Variants in PPIP5K2 observed in about 807,000 individuals in gnomAD.
The protein encoded by PPIP5K2 is diphosphoinositol pentakisphosphate kinase 2.
In PPIP5K2, 105 loss-of-function variants were observed where a neutral mutation model predicts 154.6. The ratio of observed to expected loss-of-function variants is 0.68; its 90% CI spans 0.58 to 0.80. The LOEUF (loss-of-function observed/expected upper bound fraction) is 0.80, where lower values mean the gene tolerates loss of function less well. PPIP5K2 is among the 30% of genes least tolerant of loss of function. The probability of loss-of-function intolerance (pLI) is 0.00; values close to 1 mark genes in which losing one functional copy is unlikely to be tolerated. For synonymous variants in PPIP5K2, 480 were observed against 490.3 expected (o/e 0.98, Z 0.28); for missense variants, 992 against 1,504.6 (o/e 0.66, Z 5.64).
At chr5:103,188,866 T>A (rs1800794136) in intron 28 of PPIP5K2, 2 of 262,266 alleles carry the variant, frequency 7.6e-6, no homozygotes, top group South Asian at 3.3e-4. Context: ...GGCTCTTTTT[T>A]AAAAATGTGG....
chr5:103,199,977 T>C (rs1466745153), intron 30 of PPIP5K2, among the ~76,000 whole-genome samples: 2 of 152,222 alleles, frequency 1.3e-5, no homozygotes, highest in Non-Finnish European at 2.9e-5. Flanking sequence ...TTTTTCTGTT[T>C]CTTAGTATAT....
rs898900250 is a variant in PPIP5K2 at position 103,203,958 on chromosome 5, G to C, written c.*2324G>C. 6 of 152,148 alleles carry C rather than the reference G, an allele frequency of 3.9e-5. 1 individual carries two copies. The highest frequency in any genetic ancestry group is 1.4e-4 in the African/African-American group (6 of 41,442). The allele number at this position is 152,148 out of a possible 1,614,324, so 9.4% of individuals were successfully genotyped here. ...AGATATAGAGGCTGAAGGGAATACA[G>C]TAAAGTAACAAAAACATGTGGCAGT... On this transcript the variant is annotated 3_prime_UTR_variant, in exon 31 of 31. Transcript: ENST00000358359.
At chr5:103,139,401 T>C (rs1342478367) in intron 5 of PPIP5K2, among the ~76,000 whole-genome samples, 1 of 152,156 alleles carries the variant, frequency 6.6e-6, no homozygotes, top group Non-Finnish European at 1.5e-5. Context: ...ACCAAAAAAT[T>C]AGTCCACCAA....
intron 2 of PPIP5K2, among the ~76,000 whole-genome samples, chr5:103,131,343 A>T (rs2149462189): frequency 6.6e-6 from 1 of 152,316 alleles, no homozygotes; most frequent in South Asian, 2.1e-4. Flanking sequence ...ATCTAATACA[A>T]TATAAATGCT....
chr5:103,189,236 T>C, intron 28 of PPIP5K2: 1 of 1,508,400 alleles, frequency 6.6e-7, no homozygotes, highest in Non-Finnish European at 8.9e-7. Flanking sequence ...GGTATGTTTT[T>C]ATAGCTTCTA....
intron 16 of PPIP5K2, 151 bp from the exon 17 acceptor site, chr5:103,158,995 A>G (rs1474730803): frequency 1.6e-6 from 1 of 623,638 alleles, no homozygotes. Context: ...ACTTTCAAGT[A>G]AAACTCTAAA....
intron 3 of PPIP5K2, among the ~76,000 whole-genome samples, chr5:103,134,625 C>G (rs1258015552): frequency 6.6e-6 from 1 of 152,134 alleles, no homozygotes; most frequent in Non-Finnish European, 1.5e-5. Flanking sequence ...GCATTCTTCC[C>G]TTACCCTCAC....
intron 14 of PPIP5K2, among the ~76,000 whole-genome samples, chr5:103,156,379 A>G (rs368985344): frequency 1.4e-4 from 21 of 152,288 alleles, no homozygotes; most frequent in African/African-American, 4.8e-4. Context: ...AAAATATACA[A>G]TTAACCTGTT....
chr5:103,143,446 A>C (rs32840), intron 5 of PPIP5K2, among the ~76,000 whole-genome samples: 48,832 of 152,168 alleles, frequency 0.32, 8,128 homozygotes, highest in East Asian at 0.45. Context: ...CTCAGACTCC[A>C]GAAGTGCTGG....
chr5:103,152,898 G>A (rs975360812), intron 10 of PPIP5K2, 149 bp downstream of exon 10: 4 of 517,496 alleles, frequency 7.7e-6, no homozygotes, highest in East Asian at 6.5e-5. Flanking sequence ...TAGATTATAC[G>A]TATTTATAAG....
intron 4 of PPIP5K2, among the ~76,000 whole-genome samples, chr5:103,138,099 C>T (rs1435294164): frequency 6.6e-6 from 1 of 152,024 alleles, no homozygotes; most frequent in African/African-American, 2.4e-5. Context: ...CAACTTTATT[C>T]AGCCATTTTT....
intron 17 of PPIP5K2, among the ~76,000 whole-genome samples, chr5:103,161,285 T>G (rs369778203): frequency 2.1e-4 from 32 of 152,174 alleles, no homozygotes; most frequent in Middle Eastern, 3.4e-3. Flanking sequence ...CAAAGGACAT[T>G]AACTCATCAT....
At chr5:103,166,683 G>T (rs1398320273) in intron 17 of PPIP5K2, among the ~76,000 whole-genome samples, 1 of 151,810 alleles carries the variant, frequency 6.6e-6, no homozygotes, top group South Asian at 2.1e-4. Context: ...CCAGTATTTT[G>T]TATATGTATT....
chr5:103,164,702 T>G (rs1554217193), intron 17 of PPIP5K2, among the ~76,000 whole-genome samples: 1 of 152,042 alleles, frequency 6.6e-6, no homozygotes, highest in Non-Finnish European at 1.5e-5. Flanking sequence ...TGCCCAGAAT[T>G]TTTACTTCCC....
Position 103,203,266 on chromosome 5 carries a change from A to G in PPIP5K2, c.*1632A>G, listed in dbSNP as rs1341032359. The G allele has an allele frequency of 7.9e-5, 12 of 152,428 alleles. No individual in the cohort carries two copies. The highest frequency in any genetic ancestry group is 2.9e-4 in the African/African-American group (12 of 41,454). The allele number at this position is 152,428 out of a possible 1,614,324, so 9.4% of individuals were successfully genotyped here. A position where few individuals can be genotyped will look rare whatever the true frequency, so the allele number is the denominator to read the frequency against. ...TTATCTCTTACTTTTTAGTTTTCAA[A>G]GTAGAAAAAATCAGGAATTTTTTTA... is the stretch of plus-strand genomic sequence containing the variant. On this transcript the variant is annotated 3_prime_UTR_variant, in exon 31 of 31. Coordinates refer to ENST00000358359, the MANE Select transcript of PPIP5K2 (RefSeq NM_001276277.3).
rs112386164 is a variant in PPIP5K2 at position 103,212,562 on chromosome 5, T to C, written c.*10928T>C. The C allele has an allele frequency of 6.6e-6, 1 of 151,806 alleles. No homozygotes were observed. The highest frequency in any genetic ancestry group is 1.5e-5 in the Non-Finnish European group (1 of 67,712). The allele number at this position is 151,806 out of a possible 1,614,324, so 9.4% of individuals were successfully genotyped here. A position where few individuals can be genotyped will look rare whatever the true frequency, so the allele number is the denominator to read the frequency against. On this transcript the variant is annotated 3_prime_UTR_variant, in exon 31 of 31. Transcript: ENST00000358359. ...GCTTTAATTTAGGGAACTTAAAGAA[T>C]TTCATAATATTGGAGTATAAACTGC...
intron 29 of PPIP5K2, among the ~76,000 whole-genome samples, chr5:103,191,590 T>G (rs1336251977): frequency 6.6e-6 from 1 of 152,110 alleles, no homozygotes; most frequent in Non-Finnish European, 1.5e-5. Context: ...AAGGCTGACG[T>G]TCTTCTGTAA....
Position 103,138,471 on chromosome 5 carries a change from T to A in PPIP5K2, c.487+2T>A. ...ACCGTGACCCAAATAATCCCAAAGG[T>A]AAGAGTAAGAGATTTTAGGTAAGCT... On this transcript the variant is annotated splice_donor_variant, in intron 5 of 30. Transcript: ENST00000358359. LOFTEE classifies it high-confidence loss of function. The A allele has an allele frequency of 6.3e-7, 1 of 1,580,766 alleles. No individual in the cohort carries two copies. Among genetic ancestry groups the A allele is most frequent in the Non-Finnish European group, 8.7e-7 (1 of 1,154,860 alleles).
At chr5:103,156,032 G>A in intron 14 of PPIP5K2, 38 bp downstream of exon 14, 1 of 1,332,966 alleles carries the variant, frequency 7.5e-7, no homozygotes, top group Non-Finnish European at 1.1e-6. Flanking sequence ...AGTTTTATAT[G>A]TAGTAACTTG....
Sources: allele counts gnomAD v4.1 joint callset (sites outside exome capture counted in the v4.1 genomes callset), GRCh38; gene constraint gnomAD v4.1.1; transcripts MANE v1.5; gene names NCBI Gene and HGNC (gene_info 2026-07-23, HGNC 2026-07-21).